The following DSE variants were observed in gnomAD, a reference collection of about 807,000 sequenced individuals.
DSE encodes dermatan-sulfate epimerase.
A neutral mutation model predicts 84.4 loss-of-function variants in DSE; 36 were observed. The observed-to-expected ratio is 0.43, with a 90% CI of 0.33 to 0.56. DSE has a LOEUF of 0.56. Among genes scored for constraint, DSE ranks in the 20% least tolerant of loss-of-function variants. The pLI is 0.06. For missense variants in DSE, 862 were observed against 1,169.6 expected (o/e 0.74, Z 3.84); for synonymous variants, 410 against 430.1 (o/e 0.95, Z 0.58).
At chr6:116,337,174 T>C (rs770252115) in intron 2 of DSE, among the ~76,000 whole-genome samples, 1 of 152,192 alleles carries the variant, frequency 6.6e-6, no homozygotes, top group African/African-American at 2.4e-5. Flanking sequence ...GTAGAGCTCG[T>C]ATATAGAGCT....
intron 2 of DSE, among the ~76,000 whole-genome samples, chr6:116,342,654 A>G (rs888328682): frequency 2.0e-5 from 3 of 152,212 alleles, no homozygotes; most frequent in Non-Finnish European, 2.9e-5. Flanking sequence ...GCACATGCTG[A>G]TATTTCTGCT....
chr6:116,294,115 C>T (rs754675769), intron 2 of DSE, among the ~76,000 whole-genome samples: 2 of 152,094 alleles, frequency 1.3e-5, no homozygotes, highest in South Asian at 4.1e-4. Context: ...CCTCGACCTC[C>T]TGGGCTCAAG....
intron 2 of DSE, among the ~76,000 whole-genome samples, chr6:116,338,343 C>T (rs552138030): frequency 1.2e-4 from 18 of 151,578 alleles, no homozygotes; most frequent in African/African-American, 4.4e-4. Flanking sequence ...CTGCCTCAGC[C>T]TCCCTAGTAG....
chr6:116,416,750 A>G (rs1036138645), intron 2 of DSE, among the ~76,000 whole-genome samples: 15 of 151,822 alleles, frequency 9.9e-5, no homozygotes, highest in South Asian at 6.2e-4. Context: ...CATACTGACT[A>G]CTGACAATTG....
At chr6:116,315,694 G>A (rs1775929925) in intron 2 of DSE, among the ~76,000 whole-genome samples, 1 of 152,116 alleles carries the variant, frequency 6.6e-6, no homozygotes, top group African/African-American at 2.4e-5. Flanking sequence ...AGAATCGTAT[G>A]TGATGTTTTA....
intron 2 of DSE, among the ~76,000 whole-genome samples, chr6:116,271,979 C>G (rs1772900700): frequency 6.6e-6 from 1 of 152,166 alleles, no homozygotes; most frequent in Admixed American, 6.5e-5. Context: ...TACCGTTACT[C>G]CCCTCAACCT....
intron 2 of DSE, among the ~76,000 whole-genome samples, chr6:116,403,064 A>T (rs1021685591): frequency 5.9e-5 from 9 of 152,222 alleles, no homozygotes; most frequent in Non-Finnish European, 1.3e-4. Context: ...ATTTATAATT[A>T]TAATGGTGAT....
intron 2 of DSE, among the ~76,000 whole-genome samples, chr6:116,327,949 A>G (rs185391845): frequency 1.3e-5 from 2 of 152,342 alleles, no homozygotes; most frequent in Admixed American, 1.3e-4. Flanking sequence ...TCCGCCACAG[A>G]GGCCAGAGGA....
chr6:116,442,836 G>A lies in DSE; in HGVS notation c.*5491G>A, dbSNP rs1784469347. On this transcript the variant is annotated 3_prime_UTR_variant, in exon 6 of 6. Transcript: ENST00000644252. ...TTCATGGGATAGGAAATGTGTATGG[G>A]AGCAAAAGGGACATGGGTGAGGGGT... The A allele has an allele frequency of 6.6e-6, 1 of 152,202 alleles. No individual in the cohort carries two copies. Among genetic ancestry groups the A allele is most frequent in the South Asian group, 2.1e-4 (1 of 4,834 alleles). 9.4% of individuals were successfully genotyped at this position (152,202 alleles called of 1,614,324 possible).
chr6:116,346,449 A>G (rs1583060114), intron 2 of DSE, among the ~76,000 whole-genome samples: 1 of 152,228 alleles, frequency 6.6e-6, no homozygotes, highest in Non-Finnish European at 1.5e-5. Flanking sequence ...TCCCTGGGAT[A>G]CAAGGCTGGT....
chr6:116,403,400 T>TAATTTAATAAATTTTATTAAATTAATAA (rs1781721895), intron 2 of DSE, among the ~76,000 whole-genome samples: 4 of 151,584 alleles, frequency 2.6e-5, no homozygotes, highest in South Asian at 4.1e-4. Flanking sequence ...ATAATAATTT[T>TAATTTAATAAATTTTATTAAATTAATAA]AATTTAATAA....
intron 2 of DSE, among the ~76,000 whole-genome samples, chr6:116,408,861 A>G (rs1367121764): frequency 6.6e-6 from 1 of 152,240 alleles, no homozygotes; most frequent in Non-Finnish European, 1.5e-5. Flanking sequence ...TCAGGTAACT[A>G]CAACAGAGTT....
rs1041371262 is a variant in DSE, at chr6:116,433,169, G to A, written c.911-174G>A. On this transcript the variant is annotated intron_variant, in intron 4 of 5. Transcript: ENST00000644252. ...CAACATATGTGGAAGACCTTTTGAGGGATTCTGACTAACTGGTCTGGAATA... is the reference window on the plus strand; with the variant it reads ...CAACATATGTGGAAGACCTTTTGAGAGATTCTGACTAACTGGTCTGGAATA... 8 of 649,228 alleles carry A rather than the reference G, an allele frequency of 1.2e-5. 1 individual carries two copies. Among genetic ancestry groups the A allele is most frequent in the Admixed American group, 5.8e-5 (2 of 34,216 alleles). The allele number at this position is 649,228 out of a possible 1,614,324, so 40.2% of individuals were successfully genotyped here. A position where few individuals can be genotyped will look rare whatever the true frequency, so the allele number is the denominator to read the frequency against.
chr6:116,387,122 G>T (rs1269928277), intron 1 of DSE, among the ~76,000 whole-genome samples: 1 of 152,120 alleles, frequency 6.6e-6, no homozygotes, highest in African/African-American at 2.4e-5. Context: ...CTCACCCATA[G>T]GAGTTTGCAG....
chr6:116,368,251 G>A (rs1779275560), upstream of DSE, among the ~76,000 whole-genome samples: 1 of 152,140 alleles, frequency 6.6e-6, no homozygotes, highest in Non-Finnish European at 1.5e-5. Flanking sequence ...TGGGACAACA[G>A]ACAAAAATAG....
chr6:116,364,490 A>G (rs577408094), intron 2 of DSE, among the ~76,000 whole-genome samples: 2 of 152,362 alleles, frequency 1.3e-5, no homozygotes, highest in East Asian at 3.9e-4. Flanking sequence ...TCAGCAGAAG[A>G]AAAGGCCTGA....
chr6:116,435,508 C>T (rs528910836), intron 5 of DSE, 79 bp from the exon 6 acceptor site: 7 of 1,401,696 alleles, frequency 5.0e-6, no homozygotes, highest in African/African-American at 2.9e-5. Flanking sequence ...ATTTGTGTGT[C>T]GCATCTTCCA....
intron 2 of DSE, among the ~76,000 whole-genome samples, chr6:116,421,690 G>A (rs933964583): frequency 5.3e-5 from 8 of 151,288 alleles, no homozygotes; most frequent in Non-Finnish European, 4.4e-5. Flanking sequence ...GGAACTCCTG[G>A]GCTCAGGCAA....
rs561665809 is a variant in DSE at position 116,436,220 on chromosome 6, G to C, written c.1752G>C (p.Ala584=). The part of the protein sequence containing the change: ...LGEESPLETA[A]SFFHNVDVPF... Reference sequence around the variant, plus strand: ...AGGAGAGTCCCTTGGAGACAGCAGCGAGCTTCTTCCATAATGTGGATGTTC... The same window carrying C: ...AGGAGAGTCCCTTGGAGACAGCAGCCAGCTTCTTCCATAATGTGGATGTTC... The change falls in exon 6 of 6, where the codon GCG becomes GCC. Residue 584 remains alanine (A), a synonymous_variant. Transcript: ENST00000644252. The C allele has an allele frequency of 6.2e-6, 10 of 1,613,926 alleles. No individual in the cohort carries two copies. Among genetic ancestry groups the C allele is most frequent in the South Asian group, 1.1e-5 (1 of 91,080 alleles).
Sources: gnomAD v4.1 joint callset for allele counts (sites outside exome capture counted in the v4.1 genomes callset) on GRCh38, gnomAD v4.1.1 for gene constraint, MANE v1.5 for transcripts, NCBI Gene and HGNC (gene_info 2026-07-23, HGNC 2026-07-21) for gene names.